LPP: variants seen among roughly 807,000 people sequenced by gnomAD.
LPP encodes the protein lipoma-preferred partner.
LPP carries 38 observed loss-of-function variants against 60.4 expected under a neutral mutation model. That is an observed-to-expected ratio of 0.63 (90% CI 0.49 to 0.83). LPP has a LOEUF of 0.83. LPP is among the 40% of genes least tolerant of loss of function. The pLI is 0.00. For synonymous variants in LPP, 328 were observed against 290.8 expected, an observed-to-expected ratio of 1.13 and a Z score of -1.30; for missense variants, 902 against 783.6, an observed-to-expected ratio of 1.15 and a Z score of -1.80.
At chr3:188,687,759 C>A (rs1861111059) in intron 7 of LPP, among the ~76,000 whole-genome samples, 1 of 149,188 alleles carries the variant, frequency 6.7e-6, no homozygotes, top group African/African-American at 2.5e-5. Context: ...TCCTGTCTAA[C>A]CAGCTGTCTT....
chr3:188,748,246 C>T (rs576640934), intron 8 of LPP, among the ~76,000 whole-genome samples: 2 of 151,636 alleles, frequency 1.3e-5, no homozygotes, highest in Admixed American at 6.6e-5. Context: ...CATGTATATA[C>T]ACACACACAC....
intron 3 of LPP, among the ~76,000 whole-genome samples, chr3:188,371,225 C>T (rs1316250658): frequency 6.6e-6 from 1 of 151,982 alleles, no homozygotes; most frequent in Non-Finnish European, 1.5e-5. Context: ...ATAGCCTGTC[C>T]AATCCCCATT....
At chr3:188,361,470 T>TTCCC (rs1769301383) in intron 3 of LPP, among the ~76,000 whole-genome samples, 2 of 117,938 alleles carry the variant, frequency 1.7e-5, no homozygotes, top group Non-Finnish European at 3.4e-5. Flanking sequence ...CCTTCCTTCC[T>TTCCC]TCCCTCTCCT....
intron 3 of LPP, among the ~76,000 whole-genome samples, chr3:188,380,069 T>C (rs1218743916): frequency 1.3e-5 from 2 of 152,276 alleles, no homozygotes; most frequent in East Asian, 3.9e-4. Flanking sequence ...GAAAAATTGA[T>C]GAAGCTGTAA....
chr3:188,710,205 T>C (rs1866347768), intron 8 of LPP: 1 of 152,170 alleles, frequency 6.6e-6, no homozygotes, highest in Non-Finnish European at 1.5e-5. Context: ...AAACACACAG[T>C]AGATGAAGTA....
chr3:188,291,321 T>G (rs1745855193), intron 2 of LPP, among the ~76,000 whole-genome samples: 1 of 152,220 alleles, frequency 6.6e-6, no homozygotes, highest in Middle Eastern at 3.4e-3. Context: ...AAAGTGTTTT[T>G]CATGTCATTA....
intron 9 of LPP, among the ~76,000 whole-genome samples, chr3:188,830,152 T>G (rs911274258): frequency 6.6e-6 from 1 of 151,816 alleles, no homozygotes; most frequent in African/African-American, 2.4e-5. Flanking sequence ...AAATGGACAT[T>G]TTATGTAATT....
chr3:188,400,516 A>G (rs1781994929), intron 3 of LPP, among the ~76,000 whole-genome samples: 1 of 152,230 alleles, frequency 6.6e-6, no homozygotes, highest in East Asian at 1.9e-4. Flanking sequence ...TAGTCTTCTT[A>G]GGACCGCTGG....
rs146994892 is a variant in LPP at position 188,802,212 on chromosome 3, A to G, written c.1410+41930A>G. Among the ~76,000 whole-genome samples, 695 of 152,326 alleles carry G rather than the reference A, an allele frequency of 4.6e-3. 7 individuals are homozygous for G. The highest frequency in any genetic ancestry group is 0.016 in the African/African-American group (667 of 41,572). On this transcript the variant is annotated intron_variant, in intron 9 of 11. Transcript: ENST00000617246. ...CTTAGTTCTGTGTTACTTAGGATCC[A>G]TTCATAGAGCATATTATTTATATTA...
At chr3:188,576,408 A>G (rs1834629522) in intron 6 of LPP, among the ~76,000 whole-genome samples, 1 of 152,092 alleles carries the variant, frequency 6.6e-6, no homozygotes, top group South Asian at 2.1e-4. Flanking sequence ...CATAACACAC[A>G]TGGCGCCAGG....
chr3:188,401,628 G>C (rs772889428), intron 3 of LPP, among the ~76,000 whole-genome samples: 10 of 152,164 alleles, frequency 6.6e-5, no homozygotes, highest in Non-Finnish European at 1.3e-4. Flanking sequence ...TATAGCTCCA[G>C]TGCCAGGCAA....
chr3:188,240,306 T>G (rs551782166), intron 2 of LPP: 2 of 167,344 alleles, frequency 1.2e-5, no homozygotes, highest in Admixed American at 6.4e-5. Flanking sequence ...CCTAACAAGG[T>G]TGTTGACTGC....
At position 188,880,984 on chromosome 3, in the gene LPP, C is replaced by CA. The variant is rs1769912113; in HGVS notation, c.*6511dup. 2 of 154,544 alleles carry CA rather than the reference C, an allele frequency of 1.3e-5. No individual in the cohort carries two copies. The highest frequency in any genetic ancestry group is 2.8e-5 in the Non-Finnish European group (2 of 70,978). 9.6% of individuals were successfully genotyped at this position (154,544 alleles called of 1,614,324 possible). Reference sequence around the variant, plus strand: ...TCTCTACTAAAAAAAAAAAAAAATACAAAAAATTAGCCTGGCTCAGTGGCG... The same window carrying CA: ...TCTCTACTAAAAAAAAAAAAAAATACAAAAAAATTAGCCTGGCTCAGTGGCG... On this transcript the variant is annotated 3_prime_UTR_variant, in exon 12 of 12. Coordinates refer to ENST00000617246, the MANE Select transcript of LPP (RefSeq NM_001375462.1).
At chr3:188,744,419 T>C (rs934309497) in intron 8 of LPP, among the ~76,000 whole-genome samples, 4 of 152,180 alleles carry the variant, frequency 2.6e-5, no homozygotes, top group African/African-American at 9.7e-5. Flanking sequence ...TTCCCGCAAC[T>C]GCACTGCCAA....
In LPP at chr3:188,795,718, C is replaced by T. The variant is rs1484879184; in HGVS notation, c.1410+35436C>T. On this transcript the variant is annotated intron_variant, in intron 9 of 11. Coordinates refer to ENST00000617246, the MANE Select transcript of LPP (RefSeq NM_001375462.1). ...TCATCATCATCATCATCGTCATCAT[C>T]ATCGTCATCAGCTACTGTGGATCAG... Among the ~76,000 whole-genome samples the T allele has an allele frequency of 3.3e-4, 50 of 152,174 alleles. 1 individual carries two copies. The highest frequency in any genetic ancestry group is 4.4e-5 in the Non-Finnish European group (3 of 68,032).
chr3:188,608,630 C>G (rs1842974207), intron 6 of LPP, among the ~76,000 whole-genome samples: 1 of 152,128 alleles, frequency 6.6e-6, no homozygotes, highest in South Asian at 2.1e-4. Context: ...TTCTTGGCTT[C>G]AAGATTGATA....
At chr3:188,371,641 ATTTTTTTTTT>A (rs1158606459) in intron 3 of LPP, among the ~76,000 whole-genome samples, 114 of 32,128 alleles carry the variant, frequency 3.5e-3, no homozygotes, top group African/African-American at 4.8e-3. Context: ...ATATATATAT[ATTTTTTTTTT>A]TTTTTTTTTT....
chr3:188,259,814 C>T (rs1162228564), intron 2 of LPP, among the ~76,000 whole-genome samples: 2 of 152,126 alleles, frequency 1.3e-5, no homozygotes, highest in Non-Finnish European at 2.9e-5. Context: ...GACCTAGTTA[C>T]AGAATATCCC....
intron 9 of LPP, among the ~76,000 whole-genome samples, chr3:188,831,059 T>C (rs1757019543): frequency 6.6e-6 from 1 of 152,222 alleles, no homozygotes; most frequent in Admixed American, 6.5e-5. Flanking sequence ...GGCTGAATTA[T>C]AAAGCTAATC....
Sources: allele counts gnomAD v4.1 joint callset (sites outside exome capture counted in the v4.1 genomes callset), GRCh38; gene constraint gnomAD v4.1.1; transcripts MANE v1.5; gene names NCBI Gene and HGNC (gene_info 2026-07-23, HGNC 2026-07-21).